The following CISD1 variants were observed in gnomAD, a reference collection of about 807,000 sequenced individuals.
The protein encoded by CISD1 is CDGSH iron sulfur domain 1.
CISD1 carries 8 observed loss-of-function variants against 12.0 expected under a neutral mutation model. The observed-to-expected ratio is 0.67, with a 90% CI of 0.39 to 1.20. The LOEUF (loss-of-function observed/expected upper bound fraction) is 1.20. Ranked by LOEUF, CISD1 falls within the 50% of genes most tolerant of loss-of-function variation. CISD1 has a pLI of 0.01. For missense variants in CISD1, 107 were observed against 132.7 expected (o/e 0.81, Z 0.95); for synonymous variants, 38 against 42.2 (o/e 0.90, Z 0.39).
rs1220547424 is a variant in CISD1, at chr10:58,287,902, T to G, written c.*252T>G. The G allele has an allele frequency of 2.9e-6, 1 of 341,550 alleles. No homozygotes were observed. The highest frequency in any genetic ancestry group is 2.1e-5 in the African/African-American group (1 of 47,812). The allele number at this position is 341,550 out of a possible 1,614,324, so 21.2% of individuals were successfully genotyped here. On this transcript the variant is annotated 3_prime_UTR_variant, in exon 3 of 3. Coordinates refer to ENST00000333926, the MANE Select transcript of CISD1 (RefSeq NM_018464.5). ...GTTATTTTGGTCTTGTAAGGATCCA[T>G]TTCTTTAAAATACTGACATATAGAG...
chr10:58,274,440 C>CTTTTT (rs34405014), intron 1 of CISD1, among the ~76,000 whole-genome samples: 2 of 79,132 alleles, frequency 2.5e-5, no homozygotes, highest in Non-Finnish European at 2.3e-5. Context: ...AAAATAACAA[C>CTTTTT]TTTTTTTTTT....
intron 2 of CISD1, among the ~76,000 whole-genome samples, chr10:58,281,411 T>C (rs924605534): frequency 1.3e-5 from 2 of 152,236 alleles, no homozygotes; most frequent in Non-Finnish European, 2.9e-5. Flanking sequence ...AGTGATCCTC[T>C]TTGTGTCTTG....
chr10:58,272,943 G>A (rs1196121175), intron 1 of CISD1, among the ~76,000 whole-genome samples: 2 of 152,052 alleles, frequency 1.3e-5, no homozygotes, highest in African/African-American at 4.8e-5. Context: ...TAAGGGGGGA[G>A]TTTGGAGCTA....
At chr10:58,270,623 T>C (rs1839235103) in intron 1 of CISD1, among the ~76,000 whole-genome samples, 1 of 152,198 alleles carries the variant, frequency 6.6e-6, no homozygotes, top group Non-Finnish European at 1.5e-5. Flanking sequence ...CTAAACTCTA[T>C]TTAGGTTGCA....
At chr10:58,270,956 T>C (rs1839239762) in intron 1 of CISD1, among the ~76,000 whole-genome samples, 1 of 151,824 alleles carries the variant, frequency 6.6e-6, no homozygotes, top group Non-Finnish European at 1.5e-5. Context: ...CTTGAACTTC[T>C]GGGCCCAAGC....
At chr10:58,284,703 G>A in intron 2 of CISD1, among the ~76,000 whole-genome samples, 1 of 127,928 alleles carries the variant, frequency 7.8e-6, no homozygotes. Context: ...GATTTTCTTT[G>A]TATATTTTTT....
At chr10:58,270,213 CCTA>C (rs1839229082) in intron 1 of CISD1, among the ~76,000 whole-genome samples, 1 of 152,070 alleles carries the variant, frequency 6.6e-6, no homozygotes, top group South Asian at 2.1e-4. Context: ...ATAAAAAGTC[CCTA>C]CTAACTTGAG....
At chr10:58,282,298 G>A (rs1206151370) in intron 2 of CISD1, among the ~76,000 whole-genome samples, 1 of 152,060 alleles carries the variant, frequency 6.6e-6, no homozygotes, top group Non-Finnish European at 1.5e-5. Context: ...GGCTTCCCTC[G>A]GTGTCCATGG....
chr10:58,284,935 T>A (rs1159608131), intron 2 of CISD1, among the ~76,000 whole-genome samples: 2 of 152,222 alleles, frequency 1.3e-5, no homozygotes, highest in Non-Finnish European at 2.9e-5. Context: ...CAATGTAAAC[T>A]TTTATGCTCA....
rs760549902 is a variant in CISD1, at chr10:58,287,654, G to C, written c.*4G>C. On this transcript the variant is annotated 3_prime_UTR_variant, in exon 3 of 3. Transcript: ENST00000333926. Reference sequence around the variant, plus strand: ...CATCAAGAAAAAAGAAACTTAAATGGACACTTTTGATGCTGCAAATCAGCT... The same window carrying C: ...CATCAAGAAAAAAGAAACTTAAATGCACACTTTTGATGCTGCAAATCAGCT... 3.1e-6 allele frequency: 5 copies of C among 1,588,120 alleles called. No homozygotes were observed. The African/African-American group carries it at 6.7e-5, about 21-fold the overall frequency.
chr10:58,274,739 CT>C (rs1839293277), intron 1 of CISD1, among the ~76,000 whole-genome samples: 2 of 151,772 alleles, frequency 1.3e-5, no homozygotes, highest in African/African-American at 4.8e-5. Flanking sequence ...TCAATGATGC[CT>C]TTGGTGTTAC....
At chr10:58,270,893 T>G (rs1194965690) in intron 1 of CISD1, among the ~76,000 whole-genome samples, 1 of 152,168 alleles carries the variant, frequency 6.6e-6, no homozygotes, top group Non-Finnish European at 1.5e-5. Flanking sequence ...AGACAGAGTC[T>G]CACTCAGTGG....
chr10:58,285,294 C>G (rs1839416246), intron 2 of CISD1, among the ~76,000 whole-genome samples: 1 of 152,136 alleles, frequency 6.6e-6, no homozygotes, highest in Non-Finnish European at 1.5e-5. Context: ...CAATTATTTA[C>G]AGATAGATTA....
intron 2 of CISD1, among the ~76,000 whole-genome samples, chr10:58,277,855 T>C (rs914017730): frequency 6.6e-6 from 1 of 152,064 alleles, no homozygotes; most frequent in Non-Finnish European, 1.5e-5. Flanking sequence ...GCAGAAGAAG[T>C]AAAAATTTTT....
chr10:58,286,083 T>C (rs1414680224), intron 2 of CISD1, among the ~76,000 whole-genome samples: 2 of 151,146 alleles, frequency 1.3e-5, no homozygotes, highest in African/African-American at 4.9e-5. Context: ...CGGGCGCCTG[T>C]AGTCCCAGCT....
chr10:58,271,740 AAAAT>A (rs1302652390), intron 1 of CISD1, among the ~76,000 whole-genome samples: 1 of 146,286 alleles, frequency 6.8e-6, no homozygotes, highest in African/African-American at 2.7e-5. Context: ...CATCAGAAGA[AAAAT>A]AAAAGGTAGT....
At chr10:58,276,742 C>T (rs1191403489) in intron 1 of CISD1, among the ~76,000 whole-genome samples, 4 of 139,804 alleles carry the variant, frequency 2.9e-5, no homozygotes, top group African/African-American at 5.3e-5. Context: ...TTTTATGTTT[C>T]GGGGCTTTTT....
At chr10:58,276,467 AT>A (rs1360667901) in intron 1 of CISD1, among the ~76,000 whole-genome samples, 1 of 151,984 alleles carries the variant, frequency 6.6e-6, no homozygotes, top group East Asian at 1.9e-4. Flanking sequence ...ACACTTTGAA[AT>A]TTTAAACAAA....
chr10:58,281,779 G>A (rs1484610717), intron 2 of CISD1, among the ~76,000 whole-genome samples: 1 of 152,178 alleles, frequency 6.6e-6, no homozygotes, highest in African/African-American at 2.4e-5. Context: ...TTCTTAAGGT[G>A]CAGTCACTAG....
Sources: gnomAD v4.1 joint callset for allele counts (sites outside exome capture counted in the v4.1 genomes callset) on GRCh38, gnomAD v4.1.1 for gene constraint, MANE v1.5 for transcripts, NCBI Gene and HGNC (gene_info 2026-07-23, HGNC 2026-07-21) for gene names.